The following FOXJ3 variants were observed in gnomAD, a reference collection of about 807,000 sequenced individuals.
FOXJ3 encodes forkhead box protein J3.
Under a neutral mutation model 76.1 loss-of-function variants are expected in FOXJ3, and 22 were observed. The observed-to-expected ratio is 0.29, with a 90% CI of 0.21 to 0.41. The LOEUF (loss-of-function observed/expected upper bound fraction) is 0.41. FOXJ3 is among the 10% of genes least tolerant of loss of function. The pLI is 1.00. For missense variants in FOXJ3, 613 were observed against 762.1 expected (o/e 0.80, Z 2.30); for synonymous variants, 269 against 261.2 (o/e 1.03, Z -0.29).
At chr1:42,220,474 C>G (rs1487948090) in intron 5 of FOXJ3, among the ~76,000 whole-genome samples, 1 of 152,060 alleles carries the variant, frequency 6.6e-6, no homozygotes, top group Non-Finnish European at 1.5e-5. Flanking sequence ...CCATCCAAAC[C>G]CTCCCATATC....
At chr1:42,202,878 T>C (rs1646788918) in intron 6 of FOXJ3, among the ~76,000 whole-genome samples, 1 of 152,186 alleles carries the variant, frequency 6.6e-6, no homozygotes, top group Non-Finnish European at 1.5e-5. Context: ...GTTGTTTTGA[T>C]TTGGTCTGCA....
intron 2 of FOXJ3, among the ~76,000 whole-genome samples, chr1:42,292,354 T>C (rs1653494941): frequency 6.6e-6 from 1 of 152,176 alleles, no homozygotes; most frequent in Non-Finnish European, 1.5e-5. Context: ...AACATACACC[T>C]ACAATATGGC....
intron 4 of FOXJ3, among the ~76,000 whole-genome samples, chr1:42,230,553 T>A (rs1569963173): frequency 6.6e-6 from 1 of 152,228 alleles, no homozygotes; most frequent in African/African-American, 2.4e-5. Flanking sequence ...GTAATAATTT[T>A]AATAATTTTC....
At chr1:42,304,414 T>A (rs1654337335) in intron 2 of FOXJ3, among the ~76,000 whole-genome samples, 1 of 152,088 alleles carries the variant, frequency 6.6e-6, no homozygotes, top group East Asian at 1.9e-4. Context: ...CTAAAATTTA[T>A]ACGAAACCAC....
intron 4 of FOXJ3, among the ~76,000 whole-genome samples, chr1:42,240,691 C>T (rs1649064376): frequency 6.6e-6 from 1 of 152,096 alleles, no homozygotes; most frequent in African/African-American, 2.4e-5. Context: ...CTAACTCACA[C>T]CACACGTAAA....
At chr1:42,265,222 T>C (rs1651373765) in intron 3 of FOXJ3, 33 bp from the exon 4 acceptor site, 1 of 1,229,782 alleles carries the variant, frequency 8.1e-7, no homozygotes, top group Non-Finnish European at 1.2e-6. Flanking sequence ...ATAAGGTCAA[T>C]AAAATCCAAA....
Position 42,291,934 on chromosome 1 carries a change from G to A in FOXJ3, c.45-13262C>T, listed in dbSNP as rs191284803. ...AATATAGCAAAGATTCAGAGGAGCC[G>A]AGGGCAGGAGCCGGATGGGGCCAGG... is the stretch of plus-strand genomic sequence containing the variant. On this transcript the variant is annotated intron_variant, in intron 2 of 12. Coordinates refer to ENST00000361346, the MANE Select transcript of FOXJ3 (RefSeq NM_014947.5). Among the ~76,000 whole-genome samples, 58 of 152,212 alleles carry A rather than the reference G, an allele frequency of 3.8e-4. No homozygotes were observed. In the East Asian group the frequency reaches 8.1e-3, roughly 21 times the overall value.
chr1:42,259,995 T>C (rs1650909531), intron 4 of FOXJ3, among the ~76,000 whole-genome samples: 1 of 152,212 alleles, frequency 6.6e-6, no homozygotes, highest in African/African-American at 2.4e-5. Context: ...AAATATGACA[T>C]TCTTATTTCG....
At chr1:42,303,804 A>G (rs1020626734) in intron 2 of FOXJ3, among the ~76,000 whole-genome samples, 2 of 152,174 alleles carry the variant, frequency 1.3e-5, no homozygotes, top group Non-Finnish European at 2.9e-5. Flanking sequence ...CATAAAATAA[A>G]CCCTCTAATA....
chr1:42,289,839 T>C (rs1333534719), intron 2 of FOXJ3, among the ~76,000 whole-genome samples: 1 of 152,154 alleles, frequency 6.6e-6, no homozygotes, highest in Non-Finnish European at 1.5e-5. Context: ...TTAGATTTCT[T>C]GTTATAATTT....
At chr1:42,277,168 GCA>G (rs1557693772) in intron 3 of FOXJ3, among the ~76,000 whole-genome samples, 1 of 152,108 alleles carries the variant, frequency 6.6e-6, no homozygotes, top group Non-Finnish European at 1.5e-5. Context: ...TCTTGGCCAG[GCA>G]CAGTGTCTCA....
chr1:42,308,959 C>T (rs1053437884), intron 2 of FOXJ3, among the ~76,000 whole-genome samples: 2 of 99,028 alleles, frequency 2.0e-5, no homozygotes, highest in Middle Eastern at 8.6e-3. Flanking sequence ...GAAGTCTAAT[C>T]GGTAGAAAGT....
chr1:42,190,910 A>G (rs886331362), intron 9 of FOXJ3, among the ~76,000 whole-genome samples: 3 of 152,218 alleles, frequency 2.0e-5, no homozygotes, highest in African/African-American at 7.2e-5. Context: ...GAAGTCAGAC[A>G]TGTCAGAATA....
intron 10 of FOXJ3, 54 bp from the exon 11 acceptor site, chr1:42,188,982 A>G: frequency 1.7e-6 from 2 of 1,162,882 alleles, no homozygotes; most frequent in Non-Finnish European, 2.4e-6. Context: ...AAACATTGCA[A>G]GGAAAATAGC....
Position 42,257,498 on chromosome 1 carries a change from T to C in FOXJ3, c.444+7617A>G, listed in dbSNP as rs141290287. On this transcript the variant is annotated intron_variant, in intron 4 of 12. Transcript: ENST00000361346. The stretch of plus-strand genomic sequence containing the variant: ...TGGGAGGCCAACGCGGGTGGATAAT[T>C]TGAGGTCAGGAGTTCGAGACCAGCC... Among the ~76,000 whole-genome samples the C allele has an allele frequency of 1.2e-3, 176 of 152,084 alleles. 1 individual carries two copies. Among genetic ancestry groups the C allele is most frequent in the African/African-American group, 4.2e-3 (174 of 41,506 alleles).
chr1:42,322,766 A>T (rs546245573), intron 1 of FOXJ3, among the ~76,000 whole-genome samples: 10 of 152,216 alleles, frequency 6.6e-5, no homozygotes, highest in African/African-American at 2.2e-4. Context: ...ACTTGTTGTA[A>T]ATTAAGATGA....
intron 3 of FOXJ3, among the ~76,000 whole-genome samples, chr1:42,274,172 A>C (rs569886538): frequency 6.6e-6 from 1 of 152,316 alleles, no homozygotes; most frequent in Non-Finnish European, 1.5e-5. Flanking sequence ...CTCAGGCTAA[A>C]TATTGACAAA....
chr1:42,318,573 G>C (rs188821902), intron 1 of FOXJ3, among the ~76,000 whole-genome samples: 1 of 152,116 alleles, frequency 6.6e-6, no homozygotes, highest in Non-Finnish European at 1.5e-5. Context: ...TCAAATTCCC[G>C]ACGTCAGGTG....
chr1:42,226,390 T>A (rs1386680786), intron 5 of FOXJ3, among the ~76,000 whole-genome samples: 2 of 152,172 alleles, frequency 1.3e-5, no homozygotes, highest in Non-Finnish European at 2.9e-5. Context: ...GGTGGGTGGA[T>A]CACCTGAGGT....
Sources: allele counts gnomAD v4.1 joint callset (sites outside exome capture counted in the v4.1 genomes callset), GRCh38; gene constraint gnomAD v4.1.1; transcripts MANE v1.5; gene names NCBI Gene and HGNC (gene_info 2026-07-23, HGNC 2026-07-21).